The following RIMS2 variants were observed in gnomAD, a reference collection of about 807,000 sequenced individuals.
RIMS2 encodes regulating synaptic membrane exocytosis 2.
In RIMS2, 59 loss-of-function variants were observed where a neutral mutation model predicts 174.4. The observed-to-expected ratio is 0.34, with a 90% confidence interval of 0.27 to 0.42. RIMS2 has a LOEUF of 0.42. RIMS2 is among the 10% of genes least tolerant of loss of function. The pLI, the probability that RIMS2 is intolerant of heterozygous loss-of-function variation, is 1.00. For missense variants in RIMS2, 1,620 were observed against 1,666.3 expected, an observed-to-expected ratio of 0.97 and a Z score of 0.48; for synonymous variants, 606 against 572.5, an observed-to-expected ratio of 1.06 and a Z score of -0.84.
At chr8:103,577,967 C>G (rs1358379758) in intron 1 of RIMS2, among the ~76,000 whole-genome samples, 2 of 151,914 alleles carry the variant, frequency 1.3e-5, no homozygotes, top group African/African-American at 2.4e-5. Flanking sequence ...AGATCATCTA[C>G]AAGATATAGA....
chr8:103,616,774 T>A (rs7818492), intron 1 of RIMS2, among the ~76,000 whole-genome samples: 3 of 151,910 alleles, frequency 2.0e-5, no homozygotes, highest in Non-Finnish European at 2.9e-5. Flanking sequence ...CATTCACAAT[T>A]GCCACACAAA....
chr8:103,919,033 T>C (rs553648095), intron 9 of RIMS2, among the ~76,000 whole-genome samples: 1 of 152,260 alleles, frequency 6.6e-6, no homozygotes, highest in East Asian at 1.9e-4. Flanking sequence ...AATACAGAAG[T>C]TTAATGTCAA....
rs1258442484 is a variant in RIMS2 at position 103,549,468 on chromosome 8, A to T, written c.176+48406A>T. On this transcript the variant is annotated intron_variant, in intron 1 of 23. Coordinates refer to ENST00000504942, the Ensembl canonical transcript of RIMS2. ...CCTACCTTACAAGAGCTCCTGAAGG[A>T]AGCACTAAGCATGGAAAGGAACAAC... Among the ~76,000 whole-genome samples the T allele has an allele frequency of 2.0e-5, 3 of 152,222 alleles. No homozygotes were observed. In the East Asian group the frequency reaches 5.8e-4, roughly 29 times the overall value.
chr8:103,902,914 T>C (rs191133638), intron 4 of RIMS2, among the ~76,000 whole-genome samples: 26 of 152,274 alleles, frequency 1.7e-4, no homozygotes, highest in African/African-American at 6.0e-4. Flanking sequence ...CTCAGTGCCC[T>C]TTAACATTTT....
chr8:104,000,560 C>T (rs757686384), intron 17 of RIMS2, among the ~76,000 whole-genome samples: 14 of 151,624 alleles, frequency 9.2e-5, no homozygotes, highest in Non-Finnish European at 1.8e-4. Context: ...TTTCCTTTCT[C>T]ATGAATATAT....
intron 3 of RIMS2, among the ~76,000 whole-genome samples, chr8:103,799,955 G>C (rs905248873): frequency 2.0e-5 from 3 of 152,032 alleles, no homozygotes; most frequent in African/African-American, 7.2e-5. Context: ...TCTACTACCA[G>C]CTTTACAGTT....
intron 19 of RIMS2, among the ~76,000 whole-genome samples, chr8:104,205,061 TGA>T (rs1236439993): frequency 6.6e-6 from 1 of 152,144 alleles, no homozygotes; most frequent in Non-Finnish European, 1.5e-5. Flanking sequence ...CATACTAAAG[TGA>T]GAGACAGAGT....
chr8:104,110,732 G>A (rs1203042292), intron 19 of RIMS2, among the ~76,000 whole-genome samples: 1 of 152,050 alleles, frequency 6.6e-6, no homozygotes, highest in East Asian at 1.9e-4. Context: ...TTAATCCCCT[G>A]CACTGATGCT....
intron 9 of RIMS2, 165 bp downstream of exon 12, chr8:103,918,652 G>A (rs1198987222): frequency 3.0e-5 from 17 of 563,578 alleles, no homozygotes; most frequent in South Asian, 1.1e-4. Context: ...TGTCACTGTG[G>A]GAAAAACAAA....
At chr8:103,941,001 G>A (rs536053272) in intron 13 of RIMS2, among the ~76,000 whole-genome samples, 2 of 152,050 alleles carry the variant, frequency 1.3e-5, no homozygotes, top group Non-Finnish European at 2.9e-5. Flanking sequence ...CCACTTCTTA[G>A]CCTTGTGTCT....
intron 1 of RIMS2, among the ~76,000 whole-genome samples, chr8:103,680,777 G>T (rs1464399371): frequency 6.6e-6 from 1 of 151,752 alleles, no homozygotes; most frequent in East Asian, 1.9e-4. Flanking sequence ...CTAAAAAATG[G>T]GACATCAATT....
chr8:104,103,766 A>G (rs1419931183), intron 19 of RIMS2, among the ~76,000 whole-genome samples: 1 of 152,166 alleles, frequency 6.6e-6, no homozygotes, highest in Non-Finnish European at 1.5e-5. Context: ...AACTGGCTAC[A>G]TATTGAAGAT....
At chr8:103,744,512 C>T (rs1320621128) in intron 2 of RIMS2, among the ~76,000 whole-genome samples, 1 of 151,956 alleles carries the variant, frequency 6.6e-6, no homozygotes, top group East Asian at 1.9e-4. Flanking sequence ...ACTTAAGATA[C>T]GAATTAATGG....
chr8:103,560,992 T>A (rs1479229285), intron 1 of RIMS2, among the ~76,000 whole-genome samples: 1 of 152,162 alleles, frequency 6.6e-6, no homozygotes, highest in Non-Finnish European at 1.5e-5. Context: ...TTTGTAAGCA[T>A]TTTTTAGAGT....
chr8:104,013,414 C>A, intron 17 of RIMS2, 28 bp from the exon 20 acceptor site: 1 of 1,604,580 alleles, frequency 6.2e-7, no homozygotes, highest in South Asian at 1.1e-5. Flanking sequence ...TAAAGATCAA[C>A]TGAGCTGCTT....
chr8:104,159,559 T>C (rs1251344850), intron 19 of RIMS2, among the ~76,000 whole-genome samples: 1 of 152,164 alleles, frequency 6.6e-6, no homozygotes, highest in African/African-American at 2.4e-5. Context: ...TTCCAATTTC[T>C]TCAGATCCTT....
chr8:103,978,767 T>C (rs572268614), intron 16 of RIMS2, among the ~76,000 whole-genome samples: 45 of 152,304 alleles, frequency 3.0e-4, no homozygotes, highest in African/African-American at 8.7e-4. Context: ...AACATATCCC[T>C]AACAGAAATC....
At chr8:104,058,372 G>C (rs1162113481) in intron 19 of RIMS2, among the ~76,000 whole-genome samples, 1 of 149,016 alleles carries the variant, frequency 6.7e-6, no homozygotes, top group African/African-American at 2.5e-5. Flanking sequence ...GTCTTCTTTT[G>C]AGAAGTGTCT....
At chr8:103,562,534 G>A in intron 1 of RIMS2, among the ~76,000 whole-genome samples, 1 of 152,212 alleles carries the variant, frequency 6.6e-6, no homozygotes, top group East Asian at 1.9e-4. Context: ...CTCCACCCCT[G>A]TGGCTTTGAA....
Sources: gnomAD v4.1 joint callset for allele counts (sites outside exome capture counted in the v4.1 genomes callset) on GRCh38, gnomAD v4.1.1 for gene constraint, MANE v1.5 for transcripts, NCBI Gene and HGNC (gene_info 2026-07-23, HGNC 2026-07-21) for gene names.